The following PCDH15 variants were observed in gnomAD, a reference collection of about 807,000 sequenced individuals.
PCDH15 encodes the protein protocadherin-15.
Under a neutral mutation model 178.5 loss-of-function variants are expected in PCDH15, and 129 were observed. The ratio of observed to expected loss-of-function variants is 0.72; its 90% CI spans 0.63 to 0.84. The LOEUF is 0.84. PCDH15 is among the 40% of genes least tolerant of loss of function. The pLI is 0.00. For missense variants in PCDH15, 2,230 were observed against 2,099.9 expected (o/e 1.06, Z -1.21); for synonymous variants, 800 against 732.0 (o/e 1.09, Z -1.50).
intron 2 of PCDH15, among the ~76,000 whole-genome samples, chr10:55,624,932 T>C (rs1837492063): frequency 1.3e-5 from 2 of 152,276 alleles, no homozygotes; most frequent in South Asian, 4.1e-4. Context: ...GTAGGCACTG[T>C]TAAATTTACT....
chr10:54,129,646 TA>T (rs1160538258), intron 15 of PCDH15, among the ~76,000 whole-genome samples: 2 of 152,200 alleles, frequency 1.3e-5, no homozygotes, highest in Non-Finnish European at 2.9e-5. Context: ...GACCGCATAT[TA>T]AGTGCCACAC....
chr10:54,169,740 C>G (rs576900552), intron 13 of PCDH15, among the ~76,000 whole-genome samples: 3 of 151,918 alleles, frequency 2.0e-5, no homozygotes, highest in Admixed American at 1.3e-4. Flanking sequence ...CACTCAACGC[C>G]GACATCCCAT....
intron 2 of PCDH15, among the ~76,000 whole-genome samples, chr10:55,037,759 T>C (rs909075372): frequency 2.6e-5 from 4 of 152,214 alleles, no homozygotes; most frequent in Middle Eastern, 3.2e-3. Context: ...CCTAATGATT[T>C]GTCTTACAGT....
chr10:55,349,571 C>T (rs1844856126), intron 2 of PCDH15, among the ~76,000 whole-genome samples: 1 of 151,876 alleles, frequency 6.6e-6, no homozygotes, highest in African/African-American at 2.4e-5. Context: ...CTTCTCACAG[C>T]ACATAACATA....
intron 2 of PCDH15, among the ~76,000 whole-genome samples, chr10:54,569,625 G>A (rs2089513888): frequency 1.3e-5 from 2 of 152,076 alleles, no homozygotes. Context: ...TACAGTAACT[G>A]TTCTACTCCA....
intron 2 of PCDH15, among the ~76,000 whole-genome samples, chr10:55,450,282 T>C (rs1839406103): frequency 6.6e-6 from 1 of 152,094 alleles, no homozygotes; most frequent in South Asian, 2.1e-4. Flanking sequence ...TGAGAAAAGT[T>C]TATCAAGGTC....
chr10:54,388,303 G>A (rs969330448), intron 3 of PCDH15, among the ~76,000 whole-genome samples: 2 of 152,168 alleles, frequency 1.3e-5, no homozygotes, highest in African/African-American at 4.8e-5. Context: ...CGTTGTCAAA[G>A]CGTTCAACTT....
At chr10:54,199,234 C>T in intron 10 of PCDH15, among the ~76,000 whole-genome samples, 1 of 152,022 alleles carries the variant, frequency 6.6e-6, no homozygotes, top group South Asian at 2.1e-4. Context: ...AATTTGCTGA[C>T]CAGATATCTG....
chr10:54,378,256 T>C (rs897607212), intron 4 of PCDH15, among the ~76,000 whole-genome samples: 1 of 151,750 alleles, frequency 6.6e-6, no homozygotes, highest in Non-Finnish European at 1.5e-5. Flanking sequence ...TAAAAAAAAA[T>C]TTATGCTATC....
intron 1 of PCDH15, among the ~76,000 whole-genome samples, chr10:54,677,164 G>A (rs1211323371): frequency 6.6e-6 from 1 of 152,082 alleles, no homozygotes; most frequent in Admixed American, 6.6e-5. Context: ...TTGAGGTCAG[G>A]AGTTCAAAGC....
At chr10:55,612,200 T>C (rs1031332607) in intron 2 of PCDH15, among the ~76,000 whole-genome samples, 30 of 152,070 alleles carry the variant, frequency 2.0e-4, no homozygotes, top group African/African-American at 6.3e-4. Flanking sequence ...AAAGTAATGA[T>C]AAATATGTGA....
intron 2 of PCDH15, among the ~76,000 whole-genome samples, chr10:55,107,404 A>G (rs1222684938): frequency 6.6e-6 from 1 of 152,100 alleles, no homozygotes; most frequent in Non-Finnish European, 1.5e-5. Flanking sequence ...TACAACATTT[A>G]AGCAATACCA....
At chr10:55,293,225 C>T (rs1314139238) in intron 1 of PCDH15, among the ~76,000 whole-genome samples, 3 of 152,176 alleles carry the variant, frequency 2.0e-5, no homozygotes, top group African/African-American at 7.2e-5. Context: ...CTATCAGCCA[C>T]AGCCAGAGAA....
chr10:54,960,662 G>A (rs1838622499), intron 2 of PCDH15, among the ~76,000 whole-genome samples: 1 of 152,132 alleles, frequency 6.6e-6, no homozygotes, highest in African/African-American at 2.4e-5. Context: ...CCAATATTAA[G>A]AAGGTCAAAA....
intron 8 of PCDH15, among the ~76,000 whole-genome samples, chr10:54,249,135 T>A (rs1013247097): frequency 6.6e-6 from 1 of 152,112 alleles, no homozygotes; most frequent in Non-Finnish European, 1.5e-5. Context: ...GTATTTGTTA[T>A]CTATGTATAT....
At position 55,191,197 on chromosome 10, in the gene PCDH15, T is replaced by C. The variant is rs528512404; in HGVS notation, c.-155-24546A>G. Among the ~76,000 whole-genome samples, 4 of 150,872 alleles carry C rather than the reference T, an allele frequency of 2.7e-5. No homozygotes were observed. The South Asian group carries it at 8.3e-4, about 31-fold the overall frequency. The stretch of plus-strand genomic sequence containing the variant: ...TTCAGTCCCTATTGAATCTTTATTA[T>C]AGCTTAAGATTTTTTTTTATTTTTG... On this transcript the variant is annotated intron_variant, in intron 1 of 5. Coordinates refer to the PCDH15 transcript ENST00000458638.
intron 2 of PCDH15, among the ~76,000 whole-genome samples, chr10:55,546,176 T>A (rs1210705304): frequency 6.6e-6 from 1 of 152,144 alleles, no homozygotes; most frequent in Non-Finnish European, 1.5e-5. Flanking sequence ...GGTTTTGATA[T>A]GGAAGAAAAA....
intron 37 of PCDH15, among the ~76,000 whole-genome samples, chr10:53,807,852 C>T (rs947382145): frequency 6.6e-6 from 1 of 152,232 alleles, no homozygotes; most frequent in African/African-American, 2.4e-5. Context: ...AGCAACTGGA[C>T]ATTTTCACAA....
chr10:54,413,709 A>T (rs1217392163), intron 3 of PCDH15, among the ~76,000 whole-genome samples: 1 of 152,178 alleles, frequency 6.6e-6, no homozygotes, highest in Non-Finnish European at 1.5e-5. Flanking sequence ...TTCATCATTT[A>T]AAAAAATGAG....
Sources: gnomAD v4.1 joint callset for allele counts (sites outside exome capture counted in the v4.1 genomes callset) on GRCh38, gnomAD v4.1.1 for gene constraint, MANE v1.5 for transcripts, NCBI Gene and HGNC (gene_info 2026-07-23, HGNC 2026-07-21) for gene names.